CLMP: variants seen among roughly 807,000 people sequenced by gnomAD.
CLMP encodes CXADR-like membrane protein.
In CLMP, 27 loss-of-function variants were observed where a neutral mutation model predicts 45.2. The observed-to-expected ratio is 0.60, with a 90% CI of 0.44 to 0.82. The LOEUF (loss-of-function observed/expected upper bound fraction) is 0.82, where lower values mean the gene tolerates loss of function less well. Ranked by LOEUF, CLMP falls within the 40% of genes least tolerant of loss-of-function variation. The pLI is 0.00. For synonymous variants in CLMP, 167 were observed against 171.4 expected, an observed-to-expected ratio of 0.97 and a Z score of 0.20; for missense variants, 403 against 448.4, an observed-to-expected ratio of 0.90 and a Z score of 0.91.
rs1358054225 is a variant in CLMP at position 123,118,780 on chromosome 11, CT to C, written c.29-20829del. Among the ~76,000 whole-genome samples, 11 of 152,036 alleles carry C rather than the reference CT, an allele frequency of 7.2e-5. No individual in the cohort carries two copies. The East Asian group carries it at 2.1e-3, about 30-fold the overall frequency. ...CCCCTGACTTTACTTTCTTCCTGTC[CT>C]TCCCTCACACCCAAATGACTCAAAT... On this transcript the variant is annotated intron_variant, in intron 1 of 6. Coordinates refer to ENST00000448775, the MANE Select transcript of CLMP (RefSeq NM_024769.5).
At chr11:123,142,207 A>T (rs959752234) in intron 1 of CLMP, among the ~76,000 whole-genome samples, 2 of 152,050 alleles carry the variant, frequency 1.3e-5, no homozygotes, top group Middle Eastern at 3.4e-3. Flanking sequence ...TTGGTTTCAA[A>T]CTTCTGAGCT....
chr11:123,127,257 G>T (rs1043975094), intron 1 of CLMP, among the ~76,000 whole-genome samples: 10 of 152,044 alleles, frequency 6.6e-5, no homozygotes, highest in Non-Finnish European at 1.5e-4. Flanking sequence ...GAGTAGCTGG[G>T]ATTACAAGTA....
intron 1 of CLMP, among the ~76,000 whole-genome samples, chr11:123,153,028 C>A (rs1861362726): frequency 6.6e-6 from 1 of 152,156 alleles, no homozygotes; most frequent in South Asian, 2.1e-4. Context: ...TTCTTTTTTC[C>A]TAAAGGTTTC....
chr11:123,087,545 C>T (rs1001239352), intron 2 of CLMP, among the ~76,000 whole-genome samples: 4 of 150,544 alleles, frequency 2.7e-5, no homozygotes, highest in Non-Finnish European at 5.9e-5. Context: ...ATTTGCGGCT[C>T]GGTGCAGTGG....
intron 6 of CLMP, 21 bp from the exon 7 acceptor site, chr11:123,073,795 A>T (rs765239022): frequency 1.3e-6 from 2 of 1,543,316 alleles, no homozygotes; most frequent in Admixed American, 2.0e-5. Flanking sequence ...AAAACAGCAA[A>T]GATTAACACT....
intron 1 of CLMP, among the ~76,000 whole-genome samples, chr11:123,164,711 T>C (rs1357486047): frequency 6.6e-6 from 1 of 152,208 alleles, no homozygotes; most frequent in Non-Finnish European, 1.5e-5. Context: ...TACTTGTTTA[T>C]GCATCTGTCT....
rs1032601737 is a variant in CLMP, at chr11:123,107,749, C to T, written c.29-9797G>A. Among the ~76,000 whole-genome samples the T allele has an allele frequency of 2.0e-5, 3 of 151,940 alleles. No homozygotes were observed. The East Asian group carries it at 5.8e-4, about 29-fold the overall frequency. ...TGTGAAAAGTTTGGAAGTCATTTTG[C>T]TTCATCACTGTTAGCATTTGGCTAT... On this transcript the variant is annotated intron_variant, in intron 1 of 6. Transcript: ENST00000448775.
At chr11:123,125,550 CCCCT>C (rs1466855093) in intron 1 of CLMP, among the ~76,000 whole-genome samples, 7 of 109,990 alleles carry the variant, frequency 6.4e-5, no homozygotes, top group African/African-American at 2.3e-4. Flanking sequence ...TCCCTCCCCT[CCCCT>C]CCCTCCCTTC....
At position 123,083,727 on chromosome 11, in the gene CLMP, C is replaced by T. The variant is rs199610674; in HGVS notation, c.509G>A (p.Arg170Gln). Reference protein sequence around the residue: ...EPIVYYWQRIREKEGEDERLP... With the variant: ...EPIVYYWQRIQEKEGEDERLP... ...ACGTTCATCCTCTCCCTCTTTCTCT[C>T]GGATTCGCTGCCAGTAATACACAAT... Residue 170 changes from arginine (R) to glutamine (Q), a missense_variant, in exon 4 of 7, where the codon CGA (arginine) becomes CAA (glutamine). Transcript: ENST00000448775. The T allele has an allele frequency of 1.1e-5, 18 of 1,614,076 alleles. No homozygotes were observed. The highest frequency in any genetic ancestry group is 5.0e-5 in the Admixed American group (3 of 60,000).
At chr11:123,097,460 C>A (rs986473351) in intron 2 of CLMP, among the ~76,000 whole-genome samples, 1 of 152,126 alleles carries the variant, frequency 6.6e-6, no homozygotes. Context: ...GCCTCAGCCT[C>A]CCAAGTAGCT....
chr11:123,174,549 A>C (rs938891557), intron 1 of CLMP, among the ~76,000 whole-genome samples: 1 of 152,144 alleles, frequency 6.6e-6, no homozygotes. Context: ...TGAAAAAATA[A>C]ATAAAAGAGC....
At chr11:123,173,631 T>C (rs999453267) in intron 1 of CLMP, among the ~76,000 whole-genome samples, 1 of 152,188 alleles carries the variant, frequency 6.6e-6, no homozygotes, top group Non-Finnish European at 1.5e-5. Flanking sequence ...TCTTAACCTC[T>C]AAGAGCCTCA....
chr11:123,190,054 C>T (rs977082384), intron 1 of CLMP, among the ~76,000 whole-genome samples: 3 of 151,458 alleles, frequency 2.0e-5, no homozygotes, highest in Admixed American at 6.6e-5. Context: ...AGTTTTATAC[C>T]GTAGCCCCTC....
At chr11:123,181,269 G>T (rs776311449) in intron 1 of CLMP, among the ~76,000 whole-genome samples, 1 of 152,146 alleles carries the variant, frequency 6.6e-6, no homozygotes, top group South Asian at 2.1e-4. Flanking sequence ...CTATGAATGT[G>T]TTCTCTTTCC....
intron 1 of CLMP, among the ~76,000 whole-genome samples, chr11:123,148,129 A>G (rs1861265291): frequency 6.6e-6 from 1 of 152,240 alleles, no homozygotes; most frequent in Admixed American, 6.5e-5. Context: ...AGTGGTGAGA[A>G]TTAAGTAAGT....
intron 5 of CLMP, among the ~76,000 whole-genome samples, chr11:123,077,957 A>T (rs1469395905): frequency 6.6e-6 from 1 of 152,052 alleles, no homozygotes; most frequent in African/African-American, 2.4e-5. Context: ...AAATGCAAAA[A>T]TCAGCTGGGT....
chr11:123,170,039 A>T (rs1861608955), intron 1 of CLMP, among the ~76,000 whole-genome samples: 1 of 152,210 alleles, frequency 6.6e-6, no homozygotes, highest in Admixed American at 6.5e-5. Flanking sequence ...ATCAGACTTA[A>T]AAAGGTGCCA....
intron 1 of CLMP, among the ~76,000 whole-genome samples, chr11:123,163,775 T>C (rs1861519284): frequency 6.6e-6 from 1 of 152,138 alleles, no homozygotes; most frequent in East Asian, 1.9e-4. Context: ...TCAGAATTAA[T>C]TTGCGTGGAG....
intron 1 of CLMP, among the ~76,000 whole-genome samples, chr11:123,130,754 T>A (rs755012159): frequency 3.9e-5 from 6 of 152,096 alleles, no homozygotes; most frequent in Admixed American, 1.3e-4. Context: ...AAAATTCCAT[T>A]CAGAGCTGCT....
Sources: gnomAD v4.1 joint callset for allele counts (sites outside exome capture counted in the v4.1 genomes callset) on GRCh38, gnomAD v4.1.1 for gene constraint, MANE v1.5 for transcripts, NCBI Gene and HGNC (gene_info 2026-07-23, HGNC 2026-07-21) for gene names.